The following CCSER1 variants were observed in gnomAD, a reference collection of about 807,000 sequenced individuals.
CCSER1 encodes serine-rich coiled-coil domain-containing protein 1.
Under a neutral mutation model 82.0 loss-of-function variants are expected in CCSER1, and 41 were observed. The ratio of observed to expected loss-of-function variants is 0.50; its 90% confidence interval spans 0.39 to 0.65. The LOEUF is 0.65. Among genes scored for constraint, CCSER1 ranks in the 30% least tolerant of loss-of-function variants. The pLI, the probability that CCSER1 is intolerant of heterozygous loss-of-function variation, is 0.00. For missense variants in CCSER1, 1,119 were observed against 1,064.2 expected (o/e 1.05, Z -0.72); for synonymous variants, 414 against 383.9 (o/e 1.08, Z -0.92).
At chr4:90,758,209 T>C (rs1488472382) in intron 7 of CCSER1, among the ~76,000 whole-genome samples, 1 of 152,164 alleles carries the variant, frequency 6.6e-6, no homozygotes, top group Non-Finnish European at 1.5e-5. Context: ...AGTGCTGGGA[T>C]TACAGGTGTG....
intron 4 of CCSER1, among the ~76,000 whole-genome samples, chr4:90,414,211 A>G (rs1384409108): frequency 4.0e-5 from 6 of 151,074 alleles, no homozygotes; most frequent in Non-Finnish European, 5.9e-5. Flanking sequence ...AAAAATTTCA[A>G]TAATTTACCA....
At chr4:91,367,086 GA>G (rs1323392171) in intron 10 of CCSER1, among the ~76,000 whole-genome samples, 2 of 141,262 alleles carry the variant, frequency 1.4e-5, no homozygotes, top group African/African-American at 5.3e-5. Context: ...TTGAATTCAG[GA>G]GTTTGAGACC....
chr4:90,938,436 T>A (rs1231743333), intron 9 of CCSER1, among the ~76,000 whole-genome samples: 1 of 152,110 alleles, frequency 6.6e-6, no homozygotes, highest in Non-Finnish European at 1.5e-5. Context: ...ATCTTCCCTC[T>A]TTAATCTCAT....
chr4:90,371,090 G>C (rs1283931508), intron 3 of CCSER1, among the ~76,000 whole-genome samples: 1 of 151,924 alleles, frequency 6.6e-6, no homozygotes, highest in Non-Finnish European at 1.5e-5. Context: ...TAACTGTCTA[G>C]TTTTAATCTG....
intron 5 of CCSER1, among the ~76,000 whole-genome samples, chr4:90,581,812 T>C (rs1369087070): frequency 6.6e-6 from 1 of 152,046 alleles, no homozygotes; most frequent in Non-Finnish European, 1.5e-5. Context: ...TAAATGAAGA[T>C]GGATTTAGAC....
chr4:91,254,300 A>AAAT (rs1740505297), intron 10 of CCSER1, among the ~76,000 whole-genome samples: 1 of 152,186 alleles, frequency 6.6e-6, no homozygotes, highest in Non-Finnish European at 1.5e-5. Flanking sequence ...GATAGACTAC[A>AAAT]AATCTATCCT....
chr4:90,343,103 T>C (rs1450393601), intron 3 of CCSER1, among the ~76,000 whole-genome samples: 1 of 152,098 alleles, frequency 6.6e-6, no homozygotes, highest in Non-Finnish European at 1.5e-5. Flanking sequence ...TCTGTATGAC[T>C]TGCAGGCATG....
chr4:90,959,342 C>A (rs1425559371), intron 9 of CCSER1, among the ~76,000 whole-genome samples: 1 of 152,036 alleles, frequency 6.6e-6, no homozygotes, highest in Non-Finnish European at 1.5e-5. Flanking sequence ...ATTTCTTGGC[C>A]ACCTACTCTA....
intron 10 of CCSER1, among the ~76,000 whole-genome samples, chr4:91,521,452 C>T (rs1760466332): frequency 6.6e-6 from 1 of 152,180 alleles, no homozygotes; most frequent in Non-Finnish European, 1.5e-5. Flanking sequence ...GAGGAAATGG[C>T]ACACTGTCTT....
rs115431462 is a variant in CCSER1, at chr4:91,361,432, C to T, written c.2218-237140C>T. On this transcript the variant is annotated intron_variant, in intron 10 of 10. Coordinates refer to ENST00000509176, the MANE Select transcript of CCSER1 (RefSeq NM_001145065.2). ...TAAATTTTTTTTGGACACAGAAAGACTTTCTGAAGTAGGAGATGATTAGAG... is the reference window on the plus strand; with the variant it reads ...TAAATTTTTTTTGGACACAGAAAGATTTTCTGAAGTAGGAGATGATTAGAG... Among the ~76,000 whole-genome samples, 541 of 151,818 alleles carry T rather than the reference C, an allele frequency of 3.6e-3. 3 individuals are homozygous for T. Among genetic ancestry groups the T allele is most frequent in the African/African-American group, 0.013 (520 of 41,450 alleles).
intron 4 of CCSER1, among the ~76,000 whole-genome samples, chr4:90,438,594 A>G (rs1464400392): frequency 6.6e-6 from 1 of 152,196 alleles, no homozygotes; most frequent in Non-Finnish European, 1.5e-5. Context: ...ATGCACTTAG[A>G]CAACATACTT....
chr4:90,749,934 G>A (rs34191805), intron 7 of CCSER1, among the ~76,000 whole-genome samples: 4 of 151,602 alleles, frequency 2.6e-5, no homozygotes, highest in South Asian at 2.1e-4. Flanking sequence ...CCTATTTCTC[G>A]ACATCCTCTC....
At chr4:90,397,172 A>G (rs1042337008) in intron 3 of CCSER1, among the ~76,000 whole-genome samples, 2 of 152,188 alleles carry the variant, frequency 1.3e-5, no homozygotes, top group African/African-American at 4.8e-5. Context: ...GGCAATTTAG[A>G]ATAAGTAGAT....
At chr4:90,360,990 T>C (rs1312803875) in intron 3 of CCSER1, among the ~76,000 whole-genome samples, 1 of 152,242 alleles carries the variant, frequency 6.6e-6, no homozygotes, top group African/African-American at 2.4e-5. Flanking sequence ...TTAATTTACA[T>C]AATTTACAAT....
At chr4:90,611,083 G>A (rs562926084) in intron 5 of CCSER1, among the ~76,000 whole-genome samples, 863 of 41,990 alleles carry the variant, frequency 0.021, 11 homozygotes, top group African/African-American at 0.16. Context: ...TTTTTTTGTA[G>A]AGATAGAGTT....
chr4:91,575,069 G>C (rs993896116), intron 10 of CCSER1, among the ~76,000 whole-genome samples: 4 of 151,580 alleles, frequency 2.6e-5, no homozygotes, highest in African/African-American at 9.7e-5. Flanking sequence ...ATGTATATAG[G>C]GTCAACTAAT....
intron 10 of CCSER1, among the ~76,000 whole-genome samples, chr4:91,535,360 A>T (rs1761243573): frequency 6.6e-6 from 1 of 152,066 alleles, no homozygotes; most frequent in African/African-American, 2.4e-5. Flanking sequence ...AGTTATTTGT[A>T]CTGGGAAGCA....
intron 10 of CCSER1, among the ~76,000 whole-genome samples, chr4:91,134,073 T>C (rs924805638): frequency 1.3e-5 from 2 of 152,168 alleles, no homozygotes; most frequent in African/African-American, 4.8e-5. Flanking sequence ...CACTCCAGCC[T>C]GGGTGACAGA....
chr4:90,930,908 T>TTTTATA (rs1554045593), intron 9 of CCSER1, among the ~76,000 whole-genome samples: 1 of 69,108 alleles, frequency 1.4e-5, no homozygotes, highest in Non-Finnish European at 3.2e-5. Flanking sequence ...TTTATCCTTA[T>TTTTATA]TTTATATATA....
Sources: gnomAD v4.1 joint callset for allele counts (sites outside exome capture counted in the v4.1 genomes callset) on GRCh38, gnomAD v4.1.1 for gene constraint, MANE v1.5 for transcripts, NCBI Gene and HGNC (gene_info 2026-07-23, HGNC 2026-07-21) for gene names.